HIKESHI: variants seen among roughly 807,000 people sequenced by gnomAD.
HIKESHI encodes protein Hikeshi.
HIKESHI carries 13 observed loss-of-function variants against 25.7 expected under a neutral mutation model. The observed-to-expected ratio is 0.51, with a 90% confidence interval of 0.33 to 0.80. The LOEUF is 0.80. Ranked by LOEUF, HIKESHI falls within the 30% of genes least tolerant of loss-of-function variation. HIKESHI has a pLI of 0.02. For missense variants in HIKESHI, 174 were observed against 229.5 expected, an observed-to-expected ratio of 0.76 and a Z score of 1.56; for synonymous variants, 76 against 78.7, an observed-to-expected ratio of 0.97 and a Z score of 0.18.
intron 2 of HIKESHI, among the ~76,000 whole-genome samples, chr11:86,322,283 G>C (rs950358383): frequency 3.3e-5 from 5 of 152,020 alleles, no homozygotes; most frequent in Non-Finnish European, 7.4e-5. Context: ...CACCATGCCC[G>C]GCCTCCGAGC....
chr11:86,305,667 C>T (rs1946605012), intron 1 of HIKESHI, among the ~76,000 whole-genome samples: 2 of 151,380 alleles, frequency 1.3e-5, no homozygotes, highest in South Asian at 2.1e-4. Flanking sequence ...CGTGAGCCAC[C>T]GTGCCTGGCC....
chr11:86,308,575 A>ATTTATTTATTTATTTATTTATTTATTTG (rs1418880358), intron 2 of HIKESHI, among the ~76,000 whole-genome samples: 3 of 150,246 alleles, frequency 2.0e-5, no homozygotes, highest in African/African-American at 7.3e-5. Flanking sequence ...TTATTTATTT[A>ATTTATTTATTTATTTATTTATTTATTTG]TTTATCTATA....
chr11:86,323,253 A>G (rs750580091), intron 2 of HIKESHI, among the ~76,000 whole-genome samples: 1 of 152,108 alleles, frequency 6.6e-6, no homozygotes, highest in Non-Finnish European at 1.5e-5. Context: ...TAAAATATAA[A>G]TATATGAGTA....
At chr11:86,339,551 C>T (rs1213929154) in intron 3 of HIKESHI, among the ~76,000 whole-genome samples, 1 of 152,210 alleles carries the variant, frequency 6.6e-6, no homozygotes, top group African/African-American at 2.4e-5. Flanking sequence ...CCCACTGCTG[C>T]CTGCTTCTCT....
At chr11:86,312,543 A>T (rs1370441952) in intron 2 of HIKESHI, among the ~76,000 whole-genome samples, 1 of 152,166 alleles carries the variant, frequency 6.6e-6, no homozygotes. Flanking sequence ...TAATTGGAGC[A>T]TTTAGCCCAT....
Position 86,345,853 on chromosome 11 carries a change from T to A in HIKESHI, c.*215T>A. The A allele has an allele frequency of 6.2e-6, 2 of 321,978 alleles. No homozygotes were observed. Among genetic ancestry groups the A allele is most frequent in the Middle Eastern group, 8.5e-4 (1 of 1,182 alleles). 19.9% of individuals were successfully genotyped at this position (321,978 alleles called of 1,614,324 possible). The stretch of plus-strand genomic sequence containing the variant: ...GACTTTTTTCCCCTTAAGCTTAAAA[T>A]ACCATTCAAAGGCAAGACATTTTGT... On this transcript the variant is annotated 3_prime_UTR_variant, in exon 5 of 5. Coordinates refer to ENST00000278483, the MANE Select transcript of HIKESHI (RefSeq NM_016401.4).
At chr11:86,322,154 T>C (rs1027109747) in intron 2 of HIKESHI, among the ~76,000 whole-genome samples, 2 of 151,706 alleles carry the variant, frequency 1.3e-5, no homozygotes, top group African/African-American at 4.8e-5. Context: ...ACCCTGCTGA[T>C]TTTATATTTT....
At chr11:86,314,247 A>G (rs1022265309) in intron 2 of HIKESHI, among the ~76,000 whole-genome samples, 5 of 152,158 alleles carry the variant, frequency 3.3e-5, no homozygotes, top group Non-Finnish European at 7.4e-5. Context: ...GCGTCTGTGA[A>G]GAATGAACTG....
chr11:86,327,920 T>C (rs964821260), intron 2 of HIKESHI, among the ~76,000 whole-genome samples: 1 of 152,116 alleles, frequency 6.6e-6, no homozygotes, highest in African/African-American at 2.4e-5. Context: ...TTAAAACAAA[T>C]GGTATAGGAG....
intron 3 of HIKESHI, among the ~76,000 whole-genome samples, chr11:86,338,921 T>A (rs1010516228): frequency 2.6e-5 from 4 of 152,374 alleles, no homozygotes; most frequent in East Asian, 1.9e-4. Context: ...TTTGAGTTTT[T>A]AAAATAAAAC....
At chr11:86,343,719 A>G (rs893290845) in intron 3 of HIKESHI, 1 of 152,208 alleles carries the variant, frequency 6.6e-6, no homozygotes, top group Non-Finnish European at 1.5e-5. Flanking sequence ...CTTGGATTAT[A>G]CTGCCTTCAT....
At chr11:86,302,523 A>T in intron 1 of HIKESHI, 45 bp downstream of exon 1, 1 of 1,545,108 alleles carries the variant, frequency 6.5e-7, no homozygotes, top group Non-Finnish European at 8.8e-7. Context: ...CAGGATACCG[A>T]GGGCGAAGCC....
intron 2 of HIKESHI, among the ~76,000 whole-genome samples, chr11:86,333,821 T>C (rs1359567552): frequency 6.6e-6 from 1 of 152,040 alleles, no homozygotes; most frequent in East Asian, 1.9e-4. Flanking sequence ...TAAATAATGG[T>C]TATAAATCTA....
intron 2 of HIKESHI, among the ~76,000 whole-genome samples, chr11:86,307,152 ATT>A (rs1487378591): frequency 8.6e-6 from 1 of 116,942 alleles, no homozygotes; most frequent in Non-Finnish European, 1.7e-5. Flanking sequence ...TCAAATATAT[ATT>A]ATGTGTAATA....
intron 1 of HIKESHI, 86 bp from the exon 2 acceptor site, chr11:86,306,159 C>T: frequency 2.4e-6 from 2 of 833,750 alleles, no homozygotes; most frequent in Admixed American, 2.2e-5. Context: ...ATGGATTATG[C>T]TGGTAATATA....
intron 2 of HIKESHI, among the ~76,000 whole-genome samples, chr11:86,315,482 G>A (rs1438780615): frequency 2.0e-5 from 3 of 152,092 alleles, no homozygotes; most frequent in African/African-American, 7.2e-5. Flanking sequence ...CACCATGCCC[G>A]GCTAATTTTT....
intron 2 of HIKESHI, among the ~76,000 whole-genome samples, chr11:86,307,923 A>G (rs1593805637): frequency 9.5e-6 from 1 of 105,468 alleles, no homozygotes; most frequent in South Asian, 2.6e-4. Context: ...TGTGTAATAT[A>G]TAATATATAA....
intron 2 of HIKESHI, among the ~76,000 whole-genome samples, chr11:86,315,686 A>AGTTTACCACTCATAGT (rs1946958606): frequency 6.6e-6 from 1 of 152,026 alleles, no homozygotes; most frequent in East Asian, 1.9e-4. Context: ...GAAGATGAAG[A>AGTTTACCACTCATAGT]CCATTAGCGA....
chr11:86,314,834 A>G (rs1453096393), intron 2 of HIKESHI, among the ~76,000 whole-genome samples: 1 of 152,196 alleles, frequency 6.6e-6, no homozygotes, highest in Non-Finnish European at 1.5e-5. Flanking sequence ...TGCAGTGTCA[A>G]CATCACCTGG....
Sources: gnomAD v4.1 joint callset for allele counts (sites outside exome capture counted in the v4.1 genomes callset) on GRCh38, gnomAD v4.1.1 for gene constraint, MANE v1.5 for transcripts, NCBI Gene and HGNC (gene_info 2026-07-23, HGNC 2026-07-21) for gene names.